Variants in WWC2 observed in about 807,000 individuals in gnomAD.
The protein encoded by WWC2 is protein WWC2.
WWC2 carries 101 observed loss-of-function variants against 138.5 expected under a neutral mutation model. That is an observed-to-expected ratio of 0.73 (90% CI 0.62 to 0.86). The LOEUF (loss-of-function observed/expected upper bound fraction) is 0.86. WWC2 is among the 40% of genes least tolerant of loss of function. The pLI is 0.00. For missense variants in WWC2, 1,420 were observed against 1,419.4 expected (o/e 1.00, Z -0.01); for synonymous variants, 558 against 538.4 (o/e 1.04, Z -0.50).
chr4:183,288,977 T>A (rs1476170633), intron 20 of WWC2, among the ~76,000 whole-genome samples: 2 of 152,244 alleles, frequency 1.3e-5, no homozygotes, highest in Non-Finnish European at 2.9e-5. Context: ...TTGGTCAGGC[T>A]AAGTAAGCCA....
intron 16 of WWC2, among the ~76,000 whole-genome samples, chr4:183,274,606 T>C (rs1269944555): frequency 6.6e-6 from 1 of 152,164 alleles, no homozygotes; most frequent in Non-Finnish European, 1.5e-5. Flanking sequence ...CTAAGTATTT[T>C]ATTGTTTCTG....
chr4:183,112,805 T>G (rs1451741586), intron 1 of WWC2, among the ~76,000 whole-genome samples: 1 of 152,068 alleles, frequency 6.6e-6, no homozygotes, highest in Non-Finnish European at 1.5e-5. Context: ...TCTGAGGAGC[T>G]GGCATTTAGC....
At chr4:183,126,221 T>C (rs577711349) in intron 1 of WWC2, among the ~76,000 whole-genome samples, 1 of 152,344 alleles carries the variant, frequency 6.6e-6, no homozygotes, top group Admixed American at 6.5e-5. Context: ...ATAAATTTTG[T>C]CCACTGCTGA....
Position 183,318,562 on chromosome 4 carries a change from G to A in WWC2, c.*2833G>A, listed in dbSNP as rs1313134654. 6.6e-6 allele frequency: 1 copy of A among 152,092 alleles called. No homozygotes were observed. The highest frequency in any genetic ancestry group is 1.5e-5 in the Non-Finnish European group (1 of 67,968). The allele number at this position is 152,092 out of a possible 1,614,324, so 9.4% of individuals were successfully genotyped here. On this transcript the variant is annotated 3_prime_UTR_variant, in exon 23 of 23. Coordinates refer to ENST00000403733, the MANE Select transcript of WWC2 (RefSeq NM_024949.6). Reference sequence around the variant, plus strand: ...CTATTTCAGTGTCGTTTATTGTTCAGTTTATTTCCCTGATTGGCACAAACA... The same window carrying A: ...CTATTTCAGTGTCGTTTATTGTTCAATTTATTTCCCTGATTGGCACAAACA...
chr4:183,276,302 T>C (rs975104340), intron 16 of WWC2, among the ~76,000 whole-genome samples: 1 of 152,154 alleles, frequency 6.6e-6, no homozygotes. Context: ...AATATTTAAC[T>C]CATTTACTTT....
intron 1 of WWC2, among the ~76,000 whole-genome samples, chr4:183,149,212 C>T (rs1419482610): frequency 6.6e-6 from 1 of 152,150 alleles, no homozygotes; most frequent in African/African-American, 2.4e-5. Flanking sequence ...TTTTACAGTC[C>T]CCTTCTCATA....
Position 183,193,717 on chromosome 4 carries a change from T to G in WWC2, c.241+9T>G. 6.2e-7 allele frequency: 1 copy of G among 1,607,086 alleles called. No individual in the cohort carries two copies. Among genetic ancestry groups the G allele is most frequent in the Non-Finnish European group, 8.5e-7 (1 of 1,175,174 alleles). ...CATCGATCACATCAACAGTAAGTTT[T>G]CCTTTTTGGTAAAAGCAAACATATC... On this transcript the variant is annotated intron_variant, in intron 2 of 22. Coordinates refer to ENST00000403733, the MANE Select transcript of WWC2 (RefSeq NM_024949.6).
intron 19 of WWC2, among the ~76,000 whole-genome samples, chr4:183,284,874 G>A (rs1006806635): frequency 1.3e-5 from 2 of 151,990 alleles, no homozygotes; most frequent in African/African-American, 2.4e-5. Context: ...AAAATTATGA[G>A]ATTTGTATCA....
chr4:183,099,351 G>GCGGCGCC lies in WWC2; in HGVS notation c.-140_-139insGGCGCCC. 2.3e-6 allele frequency: 2 copies of GCGGCGCC among 885,644 alleles called. No individual in the cohort carries two copies. The highest frequency in any genetic ancestry group is 2.9e-6 in the Non-Finnish European group (2 of 700,742). The allele number at this position is 885,644 out of a possible 1,614,324, so 54.9% of individuals were successfully genotyped here. On this transcript the variant is annotated 5_prime_UTR_variant, in exon 1 of 23. Coordinates refer to ENST00000403733, the MANE Select transcript of WWC2 (RefSeq NM_024949.6). ...TGAGGCACCTCCCGCGCGTGGTTCC[G>GCGGCGCC]CCGCGCCCCGCGCCCTGCGCCCCTC...
At chr4:183,210,295 G>A (rs1400330733) in intron 4 of WWC2, among the ~76,000 whole-genome samples, 1 of 152,092 alleles carries the variant, frequency 6.6e-6, no homozygotes, top group Non-Finnish European at 1.5e-5. Flanking sequence ...GAGGTGAGGG[G>A]AGATGAAATG....
intron 1 of WWC2, among the ~76,000 whole-genome samples, chr4:183,113,519 C>CGCGCACATGCACGT (rs1732313594): frequency 1.4e-5 from 2 of 142,526 alleles, no homozygotes; most frequent in Admixed American, 6.8e-5. Context: ...TGTGTGTGCG[C>CGCGCACATGCACGT]GCGCGTGCGC....
intron 4 of WWC2, among the ~76,000 whole-genome samples, chr4:183,210,368 A>G (rs1209466273): frequency 2.6e-5 from 4 of 152,166 alleles, no homozygotes; most frequent in African/African-American, 9.7e-5. Context: ...TAGAGATGGA[A>G]TGTACAACAT....
In WWC2 at chr4:183,268,259, G is replaced by A. The variant is rs568374134; in HGVS notation, c.2208-712G>A. Among the ~76,000 whole-genome samples, 5 of 152,290 alleles carry A rather than the reference G, an allele frequency of 3.3e-5. No homozygotes were observed. The South Asian group carries it at 6.2e-4, about 19-fold the overall frequency. ...TGGGATTTAAAGGAAGTTACCTCAC[G>A]CTCTTTCTAAGAATTGTGGGTCCTC... is the stretch of plus-strand genomic sequence containing the variant. On this transcript the variant is annotated intron_variant, in intron 14 of 22. Coordinates refer to ENST00000403733, the MANE Select transcript of WWC2 (RefSeq NM_024949.6).
intron 2 of WWC2, among the ~76,000 whole-genome samples, chr4:183,196,040 G>A (rs1735132378): frequency 1.3e-5 from 2 of 152,030 alleles, no homozygotes. Context: ...CTGTTTGAAG[G>A]TGTGAAGCAT....
intron 4 of WWC2, among the ~76,000 whole-genome samples, chr4:183,232,094 G>C (rs183072983): frequency 6.6e-6 from 1 of 152,178 alleles, no homozygotes; most frequent in Non-Finnish European, 1.5e-5. Flanking sequence ...TTGTGGATGC[G>C]CATCTGAAAT....
chr4:183,292,096 T>C (rs1738471976), intron 21 of WWC2, among the ~76,000 whole-genome samples: 1 of 151,770 alleles, frequency 6.6e-6, no homozygotes, highest in Non-Finnish European at 1.5e-5. Flanking sequence ...CTTGGAAGGC[T>C]GAGGTGGGAG....
At chr4:183,140,173 T>C (rs569908267) in intron 1 of WWC2, among the ~76,000 whole-genome samples, 74 of 152,362 alleles carry the variant, frequency 4.9e-4, no homozygotes, top group African/African-American at 1.7e-3. Flanking sequence ...TAAATACTTG[T>C]AAATGAATGA....
In WWC2 at chr4:183,154,911, G is replaced by GTGC. The variant is rs574291821; in HGVS notation, c.132-38685_132-38683dup. 3.7e-3 allele frequency among the ~76,000 whole-genome samples: 566 copies of GTGC among 152,262 alleles called. 2 individuals carry two copies. Among genetic ancestry groups the GTGC allele is most frequent in the African/African-American group, 0.013 (531 of 41,542 alleles). On this transcript the variant is annotated intron_variant, in intron 1 of 22. Coordinates refer to ENST00000403733, the MANE Select transcript of WWC2 (RefSeq NM_024949.6). Reference sequence around the variant, plus strand: ...TCAGACCGCAGATAACAATCCTTCAGTGCTGGTTTTGCTTTCATGCTTCTT... The same window carrying GTGC: ...TCAGACCGCAGATAACAATCCTTCAGTGCTGCTGGTTTTGCTTTCATGCTTCTT...
rs78096156 is a variant in WWC2, at chr4:183,152,638, A to G, written c.132-40961A>G. On this transcript the variant is annotated intron_variant, in intron 1 of 22. Transcript: ENST00000403733. ...GGTGGCTCACACCTGTAATCATAGC[A>G]CTTTGAGAGGCCAAGGCGGCAGATC... Among the ~76,000 whole-genome samples, 1,111 of 151,942 alleles carry G rather than the reference A, an allele frequency of 7.3e-3. 11 individuals carry two copies. The highest frequency in any genetic ancestry group is 0.026 in the African/African-American group (1,075 of 41,424).
Sources: gnomAD v4.1 joint callset for allele counts (sites outside exome capture counted in the v4.1 genomes callset) on GRCh38, gnomAD v4.1.1 for gene constraint, MANE v1.5 for transcripts, NCBI Gene and HGNC (gene_info 2026-07-23, HGNC 2026-07-21) for gene names.